Variants in OVCH1 observed in about 807,000 individuals in gnomAD.
The protein encoded by OVCH1 is ovochymase 1.
In OVCH1, 139 loss-of-function variants were observed where a neutral mutation model predicts 138.4. That is an observed-to-expected ratio of 1.00 (90% confidence interval 0.87 to 1.16). The LOEUF is 1.16. OVCH1 is among the 50% of genes most tolerant of loss of function. The probability of loss-of-function intolerance (pLI) is 0.00; values close to 1 mark genes in which losing one functional copy is unlikely to be tolerated. For synonymous variants in OVCH1, 453 were observed against 467.8 expected (o/e 0.97, Z 0.41); for missense variants, 1,367 against 1,357.9 (o/e 1.01, Z -0.11).
Position 29,465,885 on chromosome 12 carries a change from G to A in OVCH1, c.1857-666C>T, listed in dbSNP as rs551393490. On this transcript the variant is annotated intron_variant, in intron 16 of 27. Transcript: ENST00000318184. ...ATGATAGACTGGATTAAGAAAATGTGGCACACATACACCATGGAATACTAC... is the reference window on the plus strand; with the variant it reads ...ATGATAGACTGGATTAAGAAAATGTAGCACACATACACCATGGAATACTAC... Among the ~76,000 whole-genome samples the A allele has an allele frequency of 2.0e-4, 30 of 152,002 alleles. No homozygotes were observed. In the South Asian group the frequency reaches 4.4e-3, roughly 22 times the overall value.
downstream of OVCH1, among the ~76,000 whole-genome samples, chr12:29,410,600 G>A (rs1214392458): frequency 8.5e-6 from 1 of 117,902 alleles, no homozygotes; most frequent in Non-Finnish European, 1.9e-5. Context: ...AAATTTCTGG[G>A]TTGAAAGTTC....
intron 3 of OVCH1, among the ~76,000 whole-genome samples, chr12:29,415,254 G>A (rs928734247): frequency 6.6e-6 from 1 of 152,106 alleles, no homozygotes; most frequent in Admixed American, 6.5e-5. Context: ...AAGGAAAGAA[G>A]GGCTGAAAAG....
intron 26 of OVCH1, among the ~76,000 whole-genome samples, chr12:29,436,425 CAGTT>C (rs1941360906): frequency 6.6e-6 from 1 of 152,094 alleles, no homozygotes; most frequent in South Asian, 2.1e-4. Flanking sequence ...GTCAATTTAG[CAGTT>C]AAATTTTCTC....
chr12:29,443,395 A>T (rs879160402), exon 25 of OVCH1: 1 of 1,611,880 alleles, frequency 6.2e-7, no homozygotes, highest in South Asian at 1.1e-5. Flanking sequence ...ATCCTTCGTA[A>T]ACACGCAGAT....
chr12:29,442,484 A>AG (rs1227699728), intron 25 of OVCH1, among the ~76,000 whole-genome samples: 1 of 83,404 alleles, frequency 1.2e-5, no homozygotes, highest in African/African-American at 4.8e-5. Flanking sequence ...GGGTGGGGGG[A>AG]GGGGGGAGGG....
At chr12:29,422,773 G>A (rs1941123354), downstream of OVCH1, among the ~76,000 whole-genome samples, 1 of 152,150 alleles carries the variant, frequency 6.6e-6, no homozygotes, top group Non-Finnish European at 1.5e-5. Flanking sequence ...CTTTATGAGG[G>A]TGAGGGGTAG....
exon 1 of OVCH1, chr12:29,497,683 C>A: frequency 6.2e-7 from 1 of 1,613,946 alleles, no homozygotes; most frequent in Non-Finnish European, 8.5e-7. Flanking sequence ...GCCAGCAGGC[C>A]CATAGCCTCC....
chr12:29,475,543 G>GTA (rs1942676849), intron 13 of OVCH1, among the ~76,000 whole-genome samples: 1 of 151,852 alleles, frequency 6.6e-6, no homozygotes, highest in African/African-American at 2.4e-5. Flanking sequence ...TATAAGAGAG[G>GTA]TAACACTCGA....
chr12:29,477,028 C>T, intron 12 of OVCH1, 74 bp downstream of exon 12: 1 of 1,417,336 alleles, frequency 7.1e-7, no homozygotes, highest in Non-Finnish European at 9.3e-7. Context: ...ATTTAACAAT[C>T]CAGATGAATT....
intron 8 of OVCH1, among the ~76,000 whole-genome samples, chr12:29,482,808 C>CT (rs1240179112): frequency 6.6e-6 from 1 of 152,190 alleles, no homozygotes; most frequent in East Asian, 1.9e-4. Flanking sequence ...GCTTAACTGT[C>CT]TAAGTTGGGT....
chr12:29,485,306 G>T, intron 8 of OVCH1, among the ~76,000 whole-genome samples: 1 of 96,774 alleles, frequency 1.0e-5, no homozygotes, highest in African/African-American at 4.3e-5. Flanking sequence ...TGGAGAACAA[G>T]ACCCAGTCTT....
chr12:29,441,839 G>C (rs936115255), intron 25 of OVCH1, among the ~76,000 whole-genome samples: 5 of 152,130 alleles, frequency 3.3e-5, no homozygotes, highest in Admixed American at 6.5e-5. Flanking sequence ...CTCAAAAGAA[G>C]ACATTTATGC....
exon 8 of OVCH1, chr12:29,486,295 C>A (rs1943103377): frequency 1.2e-6 from 2 of 1,613,718 alleles, no homozygotes; most frequent in Admixed American, 3.3e-5. Flanking sequence ...GAACTCAGGG[C>A]CTTTGTTATA....
rs1248138754 is a variant in OVCH1, at chr12:29,451,570, C to A, written c.2531-1G>T. On this transcript the variant is annotated splice_acceptor_variant, in intron 21 of 27. Transcript: ENST00000318184. LOFTEE classifies it high-confidence loss of function. ...TCTAGCTCTGCTTCAGAGCAACAAC[C>A]TGCAATTCAGAACACACAGACACCA... is the stretch of plus-strand genomic sequence containing the variant. The A allele has an allele frequency of 6.2e-7, 1 of 1,606,402 alleles. No homozygotes were observed. The highest frequency in any genetic ancestry group is 8.5e-7 in the Non-Finnish European group (1 of 1,175,866).
chr12:29,411,092 T>C (rs1333673296), downstream of OVCH1, among the ~76,000 whole-genome samples: 1 of 123,654 alleles, frequency 8.1e-6, no homozygotes, highest in Non-Finnish European at 1.9e-5. Flanking sequence ...TTCCAGTTGA[T>C]CGCATCAGCT....
chr12:29,444,328 C>G, intron 23 of OVCH1, 48 bp from the exon 24 acceptor site: 3 of 1,572,574 alleles, frequency 1.9e-6, no homozygotes, highest in Non-Finnish European at 2.6e-6. Context: ...CAATTTTTAA[C>G]AGGCTTCCTA....
chr12:29,472,965 A>G, intron 15 of OVCH1, 64 bp downstream of exon 15: 1 of 1,407,378 alleles, frequency 7.1e-7, no homozygotes, highest in Non-Finnish European at 9.9e-7. Context: ...GGGCTTCCAA[A>G]AGAGACATCT....
chr12:29,455,182 C>T, intron 20 of OVCH1, 67 bp downstream of exon 20: 1 of 1,522,638 alleles, frequency 6.6e-7, no homozygotes. Flanking sequence ...TTATACCACA[C>T]TCACTGTTCC....
chr12:29,496,161 A>C lies in OVCH1; in HGVS notation c.281+20T>G. The stretch of plus-strand genomic sequence containing the variant: ...AGCCAGGAATCAAGGCCTGACAAGT[A>C]ATGGAAATCCACAACTTACTCACTG... On this transcript the variant is annotated intron_variant, in intron 3 of 27. Coordinates refer to ENST00000318184, the Ensembl canonical transcript of OVCH1. 1 of 1,574,550 alleles carries C rather than the reference A, an allele frequency of 6.4e-7. No homozygotes were observed. Among genetic ancestry groups the C allele is most frequent in the South Asian group, 1.2e-5 (1 of 86,900 alleles).
Sources: allele counts gnomAD v4.1 joint callset (sites outside exome capture counted in the v4.1 genomes callset), GRCh38; gene constraint gnomAD v4.1.1; transcripts MANE v1.5; gene names NCBI Gene and HGNC (gene_info 2026-07-23, HGNC 2026-07-21).